The following RALYL variants were observed in gnomAD, a reference collection of about 807,000 sequenced individuals.
The protein encoded by RALYL is RALY RNA binding protein like.
Under a neutral mutation model 35.1 loss-of-function variants are expected in RALYL, and 29 were observed. The ratio of observed to expected loss-of-function variants is 0.83; its 90% CI spans 0.61 to 1.13. RALYL has a LOEUF of 1.13. Ranked by LOEUF, RALYL falls within the 50% of genes most tolerant of loss-of-function variation. RALYL has a pLI of 0.00. For missense variants in RALYL, 359 were observed against 360.4 expected (o/e 1.00, Z 0.03); for synonymous variants, 120 against 127.6 (o/e 0.94, Z 0.40).
chr8:84,436,960 G>A (rs2047798916), intron 1 of RALYL, among the ~76,000 whole-genome samples: 2 of 151,938 alleles, frequency 1.3e-5, no homozygotes, highest in Non-Finnish European at 2.9e-5. Flanking sequence ...GGGTTGCTGC[G>A]ATTGAACCTG....
chr8:84,402,218 G>C (rs190031507), intron 1 of RALYL, among the ~76,000 whole-genome samples: 273 of 152,218 alleles, frequency 1.8e-3, no homozygotes, highest in African/African-American at 6.3e-3. Context: ...ATAATAGTGA[G>C]TCATCCTTAT....
intron 1 of RALYL, among the ~76,000 whole-genome samples, chr8:84,372,893 T>TTTTTTTGTTTTGTTTTGTTTTG (rs1563809051): frequency 8.2e-6 from 1 of 122,636 alleles, no homozygotes; most frequent in Non-Finnish European, 1.7e-5. Flanking sequence ...TCTGTTTTTT[T>TTTTTTTGTTTTGTTTTGTTTTG]TTTTTTTTTT....
At chr8:84,897,353 A>C (rs576522247) in intron 8 of RALYL, among the ~76,000 whole-genome samples, 3 of 152,342 alleles carry the variant, frequency 2.0e-5, no homozygotes, top group Admixed American at 6.5e-5. Flanking sequence ...GGATTATCCA[A>C]ATTTGTTAAA....
At chr8:84,341,669 C>T (rs1028426131) in intron 1 of RALYL, among the ~76,000 whole-genome samples, 1 of 151,890 alleles carries the variant, frequency 6.6e-6, no homozygotes, top group African/African-American at 2.4e-5. Flanking sequence ...AAATTTAAAA[C>T]ATTCCTAATA....
intron 2 of RALYL, among the ~76,000 whole-genome samples, chr8:84,629,295 T>C (rs773322009): frequency 6.6e-6 from 1 of 152,052 alleles, no homozygotes; most frequent in Non-Finnish European, 1.5e-5. Flanking sequence ...CTCAATAAAC[T>C]TTTCTTTAAT....
intron 6 of RALYL, among the ~76,000 whole-genome samples, chr8:84,863,699 T>C (rs1191664127): frequency 6.6e-6 from 1 of 152,178 alleles, no homozygotes; most frequent in African/African-American, 2.4e-5. Flanking sequence ...TTTTACAAAA[T>C]GCAGTTCAAA....
chr8:84,584,011 T>C lies in RALYL; in HGVS notation c.256+54434T>C, dbSNP rs980715275. On this transcript the variant is annotated intron_variant, in intron 2 of 8. Coordinates refer to ENST00000521268, the MANE Select transcript of RALYL (RefSeq NM_173848.7). Reference sequence around the variant, plus strand: ...TAGGTGTATATATTTATGGGGTACATGAAATGTTTTGATACAGGCATGCAG... The same window carrying C: ...TAGGTGTATATATTTATGGGGTACACGAAATGTTTTGATACAGGCATGCAG... 4.6e-5 allele frequency among the ~76,000 whole-genome samples: 7 copies of C among 152,300 alleles called. No individual in the cohort carries two copies. In the East Asian group the frequency reaches 1.4e-3, roughly 29 times the overall value.
chr8:84,522,471 G>T (rs567946374), intron 1 of RALYL, among the ~76,000 whole-genome samples: 77 of 151,768 alleles, frequency 5.1e-4, no homozygotes, highest in African/African-American at 1.8e-3. Flanking sequence ...GGATAGTCTC[G>T]ATCTCCTGAC....
intron 1 of RALYL, among the ~76,000 whole-genome samples, chr8:84,400,250 C>T (rs747695326): frequency 5.3e-5 from 8 of 152,112 alleles, no homozygotes; most frequent in Middle Eastern, 3.2e-3. Context: ...TTCGTATACA[C>T]GTTATACACA....
At chr8:84,839,552 G>A (rs1832756499) in intron 4 of RALYL, among the ~76,000 whole-genome samples, 1 of 152,242 alleles carries the variant, frequency 6.6e-6, no homozygotes, top group Non-Finnish European at 1.5e-5. Context: ...GCAGGGCACA[G>A]CCAAACAAAA....
chr8:84,186,594 G>T (rs2130813186), intron 1 of RALYL, among the ~76,000 whole-genome samples: 1 of 152,142 alleles, frequency 6.6e-6, no homozygotes, highest in East Asian at 1.9e-4. Flanking sequence ...GTTTAAGATT[G>T]GGCAAAGCAC....
intron 1 of RALYL, among the ~76,000 whole-genome samples, chr8:84,471,789 A>G (rs1321503921): frequency 6.6e-6 from 1 of 152,232 alleles, no homozygotes; most frequent in Non-Finnish European, 1.5e-5. Flanking sequence ...TGGCAATACT[A>G]ATAAAACATT....
At chr8:84,389,917 G>C (rs985142898) in intron 1 of RALYL, among the ~76,000 whole-genome samples, 8 of 151,268 alleles carry the variant, frequency 5.3e-5, no homozygotes, top group Non-Finnish European at 8.8e-5. Flanking sequence ...TCCCTGTCTT[G>C]TGCCAGTTTT....
At chr8:84,282,001 G>T (rs186381486) in intron 1 of RALYL, among the ~76,000 whole-genome samples, 55 of 152,004 alleles carry the variant, frequency 3.6e-4, no homozygotes, top group African/African-American at 1.3e-3. Context: ...TGCCCTTTCA[G>T]TTATCTGAGC....
intron 1 of RALYL, among the ~76,000 whole-genome samples, chr8:84,234,323 G>A (rs1033972986): frequency 2.0e-5 from 3 of 151,006 alleles, no homozygotes; most frequent in Non-Finnish European, 4.4e-5. Flanking sequence ...CTCTGTAAAG[G>A]ATACCTTTAT....
chr8:84,427,308 C>G (rs898320985), intron 1 of RALYL, among the ~76,000 whole-genome samples: 1 of 152,212 alleles, frequency 6.6e-6, no homozygotes, highest in Non-Finnish European at 1.5e-5. Context: ...CACACTGCTT[C>G]CATATCCTCC....
At chr8:84,833,182 C>A (rs1335599580) in intron 4 of RALYL, among the ~76,000 whole-genome samples, 1 of 152,108 alleles carries the variant, frequency 6.6e-6, no homozygotes, top group Non-Finnish European at 1.5e-5. Flanking sequence ...TTTTGCCATC[C>A]TAATTTTCTT....
At position 84,757,407 on chromosome 8, in the gene RALYL, A is replaced by G. The variant is rs569066633; in HGVS notation, c.257-17172A>G. The stretch of plus-strand genomic sequence containing the variant: ...CCTGTTGCAACATTTCGGTACAGAC[A>G]TTCATTCAAATTCTTGGGAAAAAAC... On this transcript the variant is annotated intron_variant, in intron 2 of 8. Coordinates refer to ENST00000521268, the MANE Select transcript of RALYL (RefSeq NM_173848.7). Among the ~76,000 whole-genome samples, 4 of 152,302 alleles carry G rather than the reference A, an allele frequency of 2.6e-5. No individual in the cohort carries two copies. The East Asian group carries it at 7.7e-4, about 29-fold the overall frequency.
At chr8:84,452,660 TAA>T (rs2049632077) in intron 1 of RALYL, among the ~76,000 whole-genome samples, 1 of 151,992 alleles carries the variant, frequency 6.6e-6, no homozygotes, top group African/African-American at 2.4e-5. Flanking sequence ...TGAAATTTTT[TAA>T]AGAGTTAAGG....
Sources: allele counts gnomAD v4.1 joint callset (sites outside exome capture counted in the v4.1 genomes callset), GRCh38; gene constraint gnomAD v4.1.1; transcripts MANE v1.5; gene names NCBI Gene and HGNC (gene_info 2026-07-23, HGNC 2026-07-21).